Variants in ANKRD42 observed in about 807,000 individuals in gnomAD.
The protein encoded by ANKRD42 is ankyrin repeat domain 42.
In ANKRD42, 43 loss-of-function variants were observed where a neutral mutation model predicts 51.5. The observed-to-expected ratio is 0.83, with a 90% CI of 0.65 to 1.08. The LOEUF is 1.08. Ranked by LOEUF, ANKRD42 falls within the 50% of genes least tolerant of loss-of-function variation. ANKRD42 has a pLI of 0.00. For synonymous variants in ANKRD42, 203 were observed against 213.0 expected, an observed-to-expected ratio of 0.95 and a Z score of 0.41; for missense variants, 608 against 629.3, an observed-to-expected ratio of 0.97 and a Z score of 0.36.
chr11:83,261,864 T>C, downstream of ANKRD42: 1 of 1,363,014 alleles, frequency 7.3e-7, no homozygotes, highest in African/African-American at 1.5e-5. Context: ...TCTCTCCCGG[T>C]TTGGTGTTCT....
chr11:83,195,018 C>T (rs1442297223), intron 1 of ANKRD42, among the ~76,000 whole-genome samples: 2 of 152,198 alleles, frequency 1.3e-5, no homozygotes, highest in Non-Finnish European at 2.9e-5. Context: ...TCTTCCTTGA[C>T]TTCCCTGCAG....
chr11:83,199,256 TC>T (rs1861777508), intron 2 of ANKRD42, among the ~76,000 whole-genome samples: 1 of 152,224 alleles, frequency 6.6e-6, no homozygotes. Context: ...TTCCTCTGCT[TC>T]CAACTCCAGA....
At chr11:83,244,445 G>A (rs1445129680) in intron 9 of ANKRD42, among the ~76,000 whole-genome samples, 2 of 152,216 alleles carry the variant, frequency 1.3e-5, no homozygotes, top group Non-Finnish European at 2.9e-5. Flanking sequence ...ACAAGAGGCT[G>A]TGATTTGCTA....
chr11:83,210,471 G>A, intron 4 of ANKRD42, 52 bp downstream of exon 4: 1 of 1,586,584 alleles, frequency 6.3e-7, no homozygotes, highest in Non-Finnish European at 8.6e-7. Context: ...AGATGGAATA[G>A]CATTTGGTAG....
chr11:83,246,853 T>TCC (rs2135558619), intron 10 of ANKRD42, among the ~76,000 whole-genome samples: 1 of 152,326 alleles, frequency 6.6e-6, no homozygotes, highest in East Asian at 1.9e-4. Flanking sequence ...ATATAAGGAT[T>TCC]AATGTGTCAT....
rs763012579 is a variant in ANKRD42, at chr11:83,245,532, C to T, written c.1230C>T (p.His410=). The T allele has an allele frequency of 5.9e-5, 90 of 1,536,336 alleles. No individual in the cohort carries two copies. The highest frequency in any genetic ancestry group is 7.4e-5 in the Non-Finnish European group (85 of 1,147,002). The change falls in exon 10 of 11, where the codon CAC becomes CAT. Residue 410 remains histidine, a synonymous_variant. Coordinates refer to ENST00000533342, the MANE Select transcript of ANKRD42 (RefSeq NM_001300975.2). ...RAYKKIVELR[H]LLEIAESNYK... Reference sequence around the variant, plus strand: ...ACAAGAAAATTGTAGAATTGAGACACCTCCTGGAAATTGCCGAGAGCAACT... The same window carrying T: ...ACAAGAAAATTGTAGAATTGAGACATCTCCTGGAAATTGCCGAGAGCAACT...
chr11:83,228,231 CTTTTTTTTTTTT>C (rs11403803), intron 7 of ANKRD42, among the ~76,000 whole-genome samples: 19 of 59,020 alleles, frequency 3.2e-4, no homozygotes, highest in African/African-American at 7.5e-4. Context: ...CTCTCTCTCT[CTTTTTTTTTTTT>C]TTTTTTTTTT....
chr11:83,225,082 C>T, intron 6 of ANKRD42, 27 bp downstream of exon 6: 3 of 1,564,110 alleles, frequency 1.9e-6, no homozygotes, highest in Non-Finnish European at 2.6e-6. Flanking sequence ...TATGTTCTAG[C>T]ATATAATGTG....
At chr11:83,213,022 C>G (rs1373324165) in intron 5 of ANKRD42, 1 of 1,599,836 alleles carries the variant, frequency 6.3e-7, no homozygotes, top group Admixed American at 1.7e-5. Context: ...CCCTCAGACC[C>G]CTTGTGAAGC....
intron 3 of ANKRD42, among the ~76,000 whole-genome samples, chr11:83,206,945 G>A (rs1862100335): frequency 6.6e-6 from 1 of 152,138 alleles, no homozygotes; most frequent in Admixed American, 6.5e-5. Flanking sequence ...AGTCATATAA[G>A]CAAACAGCTG....
intron 11 of ANKRD42, among the ~76,000 whole-genome samples, chr11:83,255,444 T>G (rs909633959): frequency 6.6e-6 from 1 of 152,184 alleles, no homozygotes; most frequent in Non-Finnish European, 1.5e-5. Context: ...CGCAGCACTA[T>G]GGGACTGGCA....
At chr11:83,199,958 G>C (rs972391656) in intron 2 of ANKRD42, among the ~76,000 whole-genome samples, 1 of 152,054 alleles carries the variant, frequency 6.6e-6, no homozygotes, top group Non-Finnish European at 1.5e-5. Context: ...GTGGGTAGGT[G>C]GTTCTCTCTG....
At chr11:83,196,396 AGAGTGTGTGTGT>A (rs60767490) in intron 1 of ANKRD42, among the ~76,000 whole-genome samples, 21,482 of 133,114 alleles carry the variant, frequency 0.16, 2,423 homozygotes, top group African/African-American at 0.35. Flanking sequence ...TGAGTGTGTG[AGAGTGTGTGTGT>A]GTGTGTGTGT....
chr11:83,197,080 GGT>G (rs375836608), intron 1 of ANKRD42, among the ~76,000 whole-genome samples: 4 of 151,364 alleles, frequency 2.6e-5, no homozygotes, highest in Admixed American at 6.6e-5. Flanking sequence ...GTTTATTAAA[GGT>G]GTGTGTGTGT....
At chr11:83,254,939 TGCA>T (rs994826978) in intron 11 of ANKRD42, among the ~76,000 whole-genome samples, 2 of 152,242 alleles carry the variant, frequency 1.3e-5, no homozygotes, top group African/African-American at 4.8e-5. Context: ...CTCTCAAGTT[TGCA>T]GCTGAGGGAT....
chr11:83,213,748 A>G (rs181421559), intron 5 of ANKRD42: 55 of 184,686 alleles, frequency 3.0e-4, no homozygotes, highest in African/African-American at 1.2e-3. Flanking sequence ...TTATTGAATC[A>G]TAGGAGTTCT....
chr11:83,246,355 G>A (rs867836857), intron 10 of ANKRD42, among the ~76,000 whole-genome samples: 4 of 152,128 alleles, frequency 2.6e-5, no homozygotes, highest in South Asian at 2.1e-4. Context: ...ATGCAGATAC[G>A]TATGTACTAT....
chr11:83,226,222 CACACAT>C (rs1213198249), intron 6 of ANKRD42, among the ~76,000 whole-genome samples: 2 of 151,982 alleles, frequency 1.3e-5, no homozygotes, highest in African/African-American at 2.4e-5. Flanking sequence ...CACACACACA[CACACAT>C]ACACACACAC....
intron 7 of ANKRD42, among the ~76,000 whole-genome samples, chr11:83,232,530 A>G (rs1429040533): frequency 6.6e-6 from 1 of 152,128 alleles, no homozygotes; most frequent in Non-Finnish European, 1.5e-5. Context: ...AAGATTATAT[A>G]ATTTGTAAAC....
Sources: gnomAD v4.1 joint callset for allele counts (sites outside exome capture counted in the v4.1 genomes callset) on GRCh38, gnomAD v4.1.1 for gene constraint, MANE v1.5 for transcripts, NCBI Gene and HGNC (gene_info 2026-07-23, HGNC 2026-07-21) for gene names.